The following GPHN variants were observed in gnomAD, a reference collection of about 807,000 sequenced individuals.
GPHN encodes gephyrin.
In GPHN, 17 loss-of-function variants were observed where a neutral mutation model predicts 95.5. The ratio of observed to expected loss-of-function variants is 0.18; its 90% CI spans 0.12 to 0.27. The LOEUF is 0.27. Among genes scored for constraint, GPHN ranks in the 10% least tolerant of loss-of-function variants. The probability of loss-of-function intolerance (pLI) is 1.00; values close to 1 mark genes in which losing one functional copy is unlikely to be tolerated. For missense variants in GPHN, 660 were observed against 978.1 expected (o/e 0.67, Z 4.34); for synonymous variants, 320 against 322.5 (o/e 0.99, Z 0.08).
chr14:66,806,216 C>T (rs1031386190), intron 3 of GPHN, among the ~76,000 whole-genome samples: 5 of 152,186 alleles, frequency 3.3e-5, no homozygotes, highest in South Asian at 2.1e-4. Flanking sequence ...ACTGCTGGAG[C>T]GGCTAAGATG....
intron 3 of GPHN, among the ~76,000 whole-genome samples, chr14:66,815,697 A>C (rs551013367): frequency 2.0e-4 from 31 of 152,344 alleles, no homozygotes; most frequent in Middle Eastern, 3.4e-3. Flanking sequence ...ATTACCAGCC[A>C]CTACAAAAAC....
At chr14:67,022,720 C>T (rs1256303602) in intron 9 of GPHN, among the ~76,000 whole-genome samples, 1 of 150,100 alleles carries the variant, frequency 6.7e-6, no homozygotes, top group Non-Finnish European at 1.5e-5. Flanking sequence ...ACATTCCTTT[C>T]ATAAGTTGTT....
the GPHN span, chr14:67,559,585 G>T: frequency 6.6e-7 from 1 of 1,523,868 alleles, no homozygotes. Flanking sequence ...TGGGATTAAC[G>T]GAAGGCCCTC....
intron 8 of GPHN, among the ~76,000 whole-genome samples, chr14:66,946,307 A>G (rs117620792): frequency 0.012 from 1,866 of 152,328 alleles, 20 homozygotes; most frequent in Non-Finnish European, 0.018. Context: ...AATCTCTGCT[A>G]TCTAGGCAGA....
chr14:67,643,524 T>C, the GPHN span, among the ~76,000 whole-genome samples: 1 of 152,144 alleles, frequency 6.6e-6, no homozygotes, highest in South Asian at 2.1e-4. Context: ...TAGGGACAGA[T>C]ATATAAGAAC....
At chr14:66,545,405 C>T (rs550352437) in intron 1 of GPHN, among the ~76,000 whole-genome samples, 25 of 137,178 alleles carry the variant, frequency 1.8e-4, no homozygotes, top group African/African-American at 5.4e-4. Flanking sequence ...ACCTCCCTCC[C>T]GGATGGGGCG....
chr14:67,057,755 A>G (rs1238816533), intron 10 of GPHN, among the ~76,000 whole-genome samples: 1 of 150,280 alleles, frequency 6.7e-6, no homozygotes, highest in Non-Finnish European at 1.5e-5. Context: ...GGACTGTTAC[A>G]TTCTTCATGG....
rs537650973 is a variant in GPHN, at chr14:66,651,571, T to C, written c.65-29536T>C. ...TAAGTCAGGTGAATTGCCTTTGTCC[T>C]TGCTAGAAGAGGATCCACTGCTTGA... On this transcript the variant is annotated intron_variant, in intron 1 of 22. Transcript: ENST00000478722. Among the ~76,000 whole-genome samples the C allele has an allele frequency of 4.6e-5, 7 of 152,310 alleles. No homozygotes were observed. The South Asian group carries it at 1.4e-3, about 32-fold the overall frequency.
At chr14:67,460,501 G>A in the GPHN span, among the ~76,000 whole-genome samples, 5 of 152,244 alleles carry the variant, frequency 3.3e-5, no homozygotes, top group East Asian at 1.9e-4. Context: ...TCAGGAGTTC[G>A]AGACCAGCCT....
chr14:66,974,007 CACTT>C (rs1228847403), intron 9 of GPHN, among the ~76,000 whole-genome samples: 1 of 152,168 alleles, frequency 6.6e-6, no homozygotes, highest in Non-Finnish European at 1.5e-5. Context: ...CTATTTTACT[CACTT>C]ACATTAAATG....
At chr14:67,556,001 C>A in the GPHN span, 2 of 1,356,894 alleles carry the variant, frequency 1.5e-6, no homozygotes, top group Non-Finnish European at 2.0e-6. Context: ...TGTGTTATAC[C>A]TGAACAAATG....
intron 13 of GPHN, among the ~76,000 whole-genome samples, chr14:67,102,123 C>T (rs1459589797): frequency 1.3e-5 from 2 of 151,816 alleles, no homozygotes; most frequent in East Asian, 2.0e-4. Context: ...CCGCCCGCCT[C>T]GGCCTTCCAA....
chr14:67,021,559 T>A (rs1311705006), intron 9 of GPHN, among the ~76,000 whole-genome samples: 1 of 152,110 alleles, frequency 6.6e-6, no homozygotes, highest in Non-Finnish European at 1.5e-5. Context: ...GGGTATTTTG[T>A]TGTTGTTTTG....
chr14:67,302,452 C>A, the GPHN span: 1 of 1,597,978 alleles, frequency 6.3e-7, no homozygotes, highest in African/African-American at 1.3e-5. Context: ...CATCATTAGC[C>A]GGATAGTAAA....
intron 1 of GPHN, among the ~76,000 whole-genome samples, chr14:66,632,907 C>T (rs562871169): frequency 6.6e-6 from 1 of 152,304 alleles, no homozygotes; most frequent in South Asian, 2.1e-4. Flanking sequence ...TCCTTATTGT[C>T]TTACTTCACT....
intron 8 of GPHN, among the ~76,000 whole-genome samples, chr14:66,931,219 C>T (rs916909095): frequency 6.6e-6 from 1 of 152,198 alleles, no homozygotes; most frequent in Non-Finnish European, 1.5e-5. Flanking sequence ...TGCTGCCAGA[C>T]ATATTGGACC....
chr14:67,234,665 T>C, the GPHN span, among the ~76,000 whole-genome samples: 1 of 152,026 alleles, frequency 6.6e-6, no homozygotes, highest in Non-Finnish European at 1.5e-5. Flanking sequence ...TTCTCCTGCC[T>C]CACCCTCCCT....
At chr14:67,645,818 C>T in the GPHN span, 176 of 1,612,324 alleles carry the variant, frequency 1.1e-4, no homozygotes, top group Middle Eastern at 2.0e-3. Context: ...TGGGCCAAAA[C>T]GAAAAGAAAG....
chr14:67,445,574 A>ATTTTTTTTTTTTTTTTTTTTT, the GPHN span, among the ~76,000 whole-genome samples: 1 of 98,678 alleles, frequency 1.0e-5, no homozygotes, highest in Non-Finnish European at 2.0e-5. Context: ...AAGAGAGGCA[A>ATTTTTTTTTTTTTTTTTTTTT]TTCTTTTTTT....
Sources: gnomAD v4.1 joint callset for allele counts (sites outside exome capture counted in the v4.1 genomes callset) on GRCh38, gnomAD v4.1.1 for gene constraint, MANE v1.5 for transcripts, NCBI Gene and HGNC (gene_info 2026-07-23, HGNC 2026-07-21) for gene names.